The following MEG3 variants were observed in gnomAD, a reference collection of about 807,000 sequenced individuals.
The protein encoded by MEG3 is Very putative protein from MEG3 locus.
intron 2 of MEG3, among the ~76,000 whole-genome samples, chr14:100,842,003 G>A (rs984634136): frequency 2.6e-5 from 4 of 152,174 alleles, no homozygotes; most frequent in Admixed American, 1.3e-4. Context: ...ATCATCACCC[G>A]CCTGCACTGG....
At chr14:100,834,726 A>C (rs1199625715) in exon 1 of MEG3, 2 of 456,282 alleles carry the variant, frequency 4.4e-6, no homozygotes, top group African/African-American at 4.0e-5. Context: ...GCTCAGTTAG[A>C]GTATGTGGGA....
chr14:100,834,369 C>T, exon 1 of MEG3: 1 of 262,522 alleles, frequency 3.8e-6, no homozygotes, highest in Non-Finnish European at 7.5e-6. Context: ...TGGAAGAAAT[C>T]AGCTGGCCCC....
At chr14:100,826,144 C>A (rs1595248279) in intron 1 of MEG3, 1 of 152,246 alleles carries the variant, frequency 6.6e-6, no homozygotes, top group Non-Finnish European at 1.5e-5. Context: ...AGAGAGGGAG[C>A]GCGCCTTGGC....
chr14:100,850,603 CAAAAAAGAA>C (rs149914995), intron 3 of MEG3: 38,058 of 97,854 alleles, frequency 0.39, 5,567 homozygotes, highest in Non-Finnish European at 0.46. Flanking sequence ...TATCTTAGAT[CAAAAAAGAA>C]AAAAAAAAAA....
chr14:100,837,180 G>A lies in MEG3; in HGVS notation n.3045+880G>A, dbSNP rs1309808515. Among the ~76,000 whole-genome samples the A allele has an allele frequency of 6.6e-6, 1 of 152,188 alleles. No individual in the cohort carries two copies. Among genetic ancestry groups the A allele is most frequent in the Non-Finnish European group, 1.5e-5 (1 of 68,036 alleles). ...GTCGTCGAGGGCGGGGGCTCAGGGT[G>A]GCATGCTGGACGGCCATGCCAGGCT... is the stretch of plus-strand genomic sequence containing the variant. On this transcript the variant is annotated intron_variant and non_coding_transcript_variant, in intron 2 of 3. Transcript: ENST00000398461. The surrounding 1 kb of genome is among the most constrained non-coding windows in gnomAD (Gnocchi z 5.8).
chr14:100,835,136 G>C (rs544084211), exon 1 of MEG3: 2 of 304,910 alleles, frequency 6.6e-6, no homozygotes, highest in African/African-American at 4.4e-5. Context: ...CTATCCCCAG[G>C]GCTCTGCTCT....
intron 3 of MEG3, chr14:100,850,312 A>G (rs1471268582): frequency 6.6e-6 from 1 of 152,200 alleles, no homozygotes; most frequent in Non-Finnish European, 1.5e-5. Context: ...ATGGCTGGGA[A>G]TGGTGGCTCA....
exon 1 of MEG3, chr14:100,834,652 G>A (rs1450137265): frequency 2.2e-6 from 1 of 455,566 alleles, no homozygotes; most frequent in East Asian, 7.0e-5. Context: ...GGCCATCCCG[G>A]GGTGCCCTTG....
chr14:100,857,321 A>G (rs1158345413), exon 1 of MEG3: 1 of 152,070 alleles, frequency 6.6e-6, no homozygotes, highest in Non-Finnish European at 1.5e-5. Context: ...TTTGACCCTC[A>G]ATCTCCTTTT....
chr14:100,829,734 G>T (rs925301366), downstream of MEG3: 5 of 152,200 alleles, frequency 3.3e-5, no homozygotes, highest in African/African-American at 9.7e-5. Context: ...TTGTCCACGG[G>T]CTCTCCTTGC....
At chr14:100,844,364 G>A (rs1238939801) in intron 2 of MEG3, among the ~76,000 whole-genome samples, 2 of 152,176 alleles carry the variant, frequency 1.3e-5, no homozygotes, top group South Asian at 2.1e-4. Flanking sequence ...TGCTGCGTTG[G>A]TGGGACCTCA....
At chr14:100,842,622 G>T (rs1218977510) in intron 2 of MEG3, among the ~76,000 whole-genome samples, 2 of 152,100 alleles carry the variant, frequency 1.3e-5, no homozygotes, top group African/African-American at 4.8e-5. Flanking sequence ...TGTAACGACG[G>T]GCTCTATTTC....
At chr14:100,835,871 C>T (rs1025133994) in exon 1 of MEG3, 8 of 277,718 alleles carry the variant, frequency 2.9e-5, no homozygotes, top group East Asian at 1.3e-4. Flanking sequence ...CCCTCGTGAT[C>T]GTGCCCTGGT....
At chr14:100,839,197 G>A (rs1023083490) in intron 2 of MEG3, among the ~76,000 whole-genome samples, 6 of 152,120 alleles carry the variant, frequency 3.9e-5, no homozygotes, top group African/African-American at 1.2e-4. Flanking sequence ...ACAGATTCAG[G>A]TCCCAAAGGG....
chr14:100,845,420 G>C lies in MEG3; in HGVS notation n.3046-38G>C, dbSNP rs546512203. 2.2e-5 allele frequency: 10 copies of C among 453,000 alleles called. No individual in the cohort carries two copies. In the East Asian group the frequency reaches 7.0e-4, roughly 32 times the overall value. 28.1% of individuals were successfully genotyped at this position (453,000 alleles called of 1,614,324 possible). ...CCTCCTCCTCCTCGCCGGCCTGAGT[G>C]AGGTTCTACTCTGTGACCTAGTGCC... On this transcript the variant is annotated intron_variant and non_coding_transcript_variant, in intron 2 of 3. Transcript: ENST00000398461. The surrounding 1 kb of genome is among the most constrained non-coding windows in gnomAD (Gnocchi z 5.2).
exon 1 of MEG3, chr14:100,860,340 G>C (rs1383839615): frequency 3.6e-6 from 1 of 277,132 alleles, no homozygotes; most frequent in African/African-American, 2.3e-5. Flanking sequence ...GAAGAGCTGG[G>C]GATAGCATTT....
At chr14:100,840,122 A>T (rs1237051460) in intron 2 of MEG3, among the ~76,000 whole-genome samples, 1 of 152,164 alleles carries the variant, frequency 6.6e-6, no homozygotes, top group African/African-American at 2.4e-5. Flanking sequence ...TGTGTGAGAG[A>T]GGAGTTCATT....
At chr14:100,843,544 T>A (rs1301855712) in intron 2 of MEG3, among the ~76,000 whole-genome samples, 2 of 152,204 alleles carry the variant, frequency 1.3e-5, no homozygotes, top group East Asian at 3.8e-4. Context: ...GTTTCTTGGT[T>A]ATCAAATTAA....
Position 100,851,375 on chromosome 14 carries a change from C to T in MEG3, n.3121+5842C>T, listed in dbSNP as rs946247494. The T allele has an allele frequency of 2.0e-5, 3 of 152,414 alleles. No homozygotes were observed. In the East Asian group the frequency reaches 5.8e-4, roughly 29 times the overall value. 9.4% of individuals were successfully genotyped at this position (152,414 alleles called of 1,614,324 possible). On this transcript the variant is annotated intron_variant and non_coding_transcript_variant, in intron 3 of 3. Transcript: ENST00000398461. Reference sequence around the variant, plus strand: ...GGCCCTGGGTGGAGCATGGGCCCCGCCTGCTGTGTGCCACCCTGGGTGTGG... The same window carrying T: ...GGCCCTGGGTGGAGCATGGGCCCCGTCTGCTGTGTGCCACCCTGGGTGTGG...
Sources: allele counts gnomAD v4.1 joint callset (sites outside exome capture counted in the v4.1 genomes callset), GRCh38; gene constraint gnomAD v4.1.1; non-coding constraint Gnocchi (gnomAD v3.1); transcripts MANE v1.5; gene names NCBI Gene and HGNC (gene_info 2026-07-23, HGNC 2026-07-21).